CYRIB: variants seen among roughly 807,000 people sequenced by gnomAD.
The protein encoded by CYRIB is CYFIP-related Rac1 interactor B.
Under a neutral mutation model 44.2 loss-of-function variants are expected in CYRIB, and 8 were observed. That is an observed-to-expected ratio of 0.18 (90% CI 0.11 to 0.33). The LOEUF is 0.33. CYRIB is among the 10% of genes least tolerant of loss of function. The pLI, the probability that CYRIB is intolerant of heterozygous loss-of-function variation, is 1.00. For missense variants in CYRIB, 185 were observed against 382.8 expected (o/e 0.48, Z 4.31); for synonymous variants, 131 against 127.2 (o/e 1.03, Z -0.20).
At chr8:129,843,847 A>G (rs2038060792) in intron 11 of CYRIB, 2 of 152,260 alleles carry the variant, frequency 1.3e-5, no homozygotes, top group Admixed American at 1.3e-4. Flanking sequence ...AATGTTACTG[A>G]GAAGTCACTC....
intron 1 of CYRIB, among the ~76,000 whole-genome samples, chr8:129,992,351 A>C (rs1395797243): frequency 6.6e-6 from 1 of 152,234 alleles, no homozygotes; most frequent in African/African-American, 2.4e-5. Flanking sequence ...ATACAATCTG[A>C]AAATGAATTG....
At chr8:129,853,082 G>A (rs768228297) in intron 7 of CYRIB, among the ~76,000 whole-genome samples, 1 of 152,126 alleles carries the variant, frequency 6.6e-6, no homozygotes, top group Non-Finnish European at 1.5e-5. Context: ...TGGAACAGTG[G>A]GAGGAGGAGA....
chr8:129,967,529 G>A (rs1485602628), intron 2 of CYRIB, among the ~76,000 whole-genome samples: 2 of 152,028 alleles, frequency 1.3e-5, no homozygotes, highest in Admixed American at 1.3e-4. Flanking sequence ...ACAGGCGCCT[G>A]CCACCATGCC....
chr8:129,881,477 G>A (rs1367413290), intron 2 of CYRIB, among the ~76,000 whole-genome samples: 2 of 152,114 alleles, frequency 1.3e-5, no homozygotes, highest in Non-Finnish European at 2.9e-5. Flanking sequence ...AGCACTTCCC[G>A]TCACCTGTGG....
chr8:130,011,293 G>A (rs1227878018), intron 1 of CYRIB, among the ~76,000 whole-genome samples: 1 of 152,096 alleles, frequency 6.6e-6, no homozygotes, highest in Non-Finnish European at 1.5e-5. Flanking sequence ...GGCTGAGGTG[G>A]GTAGATCACC....
chr8:129,967,525 G>A (rs962832174), intron 2 of CYRIB, among the ~76,000 whole-genome samples: 1 of 151,762 alleles, frequency 6.6e-6, no homozygotes, highest in Non-Finnish European at 1.5e-5. Context: ...GACTACAGGC[G>A]CCTGCCACCA....
chr8:130,007,974 C>T (rs773939845), intron 1 of CYRIB, among the ~76,000 whole-genome samples: 15 of 152,234 alleles, frequency 9.9e-5, no homozygotes, highest in Middle Eastern at 3.4e-3. Flanking sequence ...TTTAGGAGGC[C>T]GAGGCGGCCA....
At chr8:129,852,219 A>G (rs1587191181) in exon 8 of CYRIB, 1 of 1,570,430 alleles carries the variant, frequency 6.4e-7, no homozygotes, top group Non-Finnish European at 8.6e-7. Flanking sequence ...GAGTTGCCTC[A>G]GCATAAAACA....
At chr8:129,916,429 AAT>A (rs1202702800) in intron 1 of CYRIB, among the ~76,000 whole-genome samples, 1 of 152,084 alleles carries the variant, frequency 6.6e-6, no homozygotes. Context: ...AAAAACTTCT[AAT>A]AGCTCCCAAT....
chr8:129,930,944 T>A (rs1488690885), intron 1 of CYRIB, among the ~76,000 whole-genome samples: 1 of 152,092 alleles, frequency 6.6e-6, no homozygotes, highest in Non-Finnish European at 1.5e-5. Context: ...TCCATACTTT[T>A]GAAAAAAACT....
At chr8:130,006,916 A>G (rs977083653) in intron 1 of CYRIB, among the ~76,000 whole-genome samples, 47 of 151,712 alleles carry the variant, frequency 3.1e-4, no homozygotes, top group African/African-American at 1.1e-3. Context: ...TTCAAATTCA[A>G]TCCCCCAGAG....
At chr8:130,000,184 TGAG>T (rs1175687262) in intron 1 of CYRIB, among the ~76,000 whole-genome samples, 1 of 151,992 alleles carries the variant, frequency 6.6e-6, no homozygotes, top group Non-Finnish European at 1.5e-5. Flanking sequence ...TCCCAGGTGC[TGAG>T]GAGAAGAGAG....
chr8:129,848,779 C>T (rs2041765392), intron 10 of CYRIB, among the ~76,000 whole-genome samples: 1 of 151,426 alleles, frequency 6.6e-6, no homozygotes, highest in South Asian at 2.1e-4. Context: ...ACTATGCTGC[C>T]CAGGCTGGTC....
intron 1 of CYRIB, among the ~76,000 whole-genome samples, chr8:129,924,856 T>C (rs2086522942): frequency 6.6e-6 from 1 of 152,166 alleles, no homozygotes; most frequent in African/African-American, 2.4e-5. Flanking sequence ...TGCATACCTA[T>C]AGTCCCAGTT....
chr8:129,927,612 G>T (rs766007670), intron 1 of CYRIB, among the ~76,000 whole-genome samples: 6 of 152,164 alleles, frequency 3.9e-5, no homozygotes, highest in South Asian at 4.1e-4. Context: ...ATATATATAT[G>T]CATAAAGATG....
chr8:129,969,181 T>C (rs183590858), intron 2 of CYRIB, among the ~76,000 whole-genome samples: 50 of 152,130 alleles, frequency 3.3e-4, no homozygotes, highest in African/African-American at 1.0e-3. Context: ...ACCCGGCTGA[T>C]TTTTGTATTT....
intron 1 of CYRIB, among the ~76,000 whole-genome samples, chr8:130,010,185 C>A (rs1229334167): frequency 6.6e-6 from 1 of 152,218 alleles, no homozygotes; most frequent in Non-Finnish European, 1.5e-5. Context: ...CCACATTGGG[C>A]CTTCTTTTTC....
intron 1 of CYRIB, among the ~76,000 whole-genome samples, chr8:129,923,755 G>A (rs115423179): frequency 0.015 from 2,217 of 151,376 alleles, 52 homozygotes; most frequent in African/African-American, 0.05. Flanking sequence ...CCCTACCTCC[G>A]TTTAGTATTT....
chr8:129,913,120 G>A (rs970852417), intron 1 of CYRIB, among the ~76,000 whole-genome samples: 6 of 151,462 alleles, frequency 4.0e-5, no homozygotes, highest in African/African-American at 1.5e-4. Flanking sequence ...TACAGGCGCC[G>A]GCCACCACGC....
Sources: gnomAD v4.1 joint callset for allele counts (sites outside exome capture counted in the v4.1 genomes callset) on GRCh38, gnomAD v4.1.1 for gene constraint, MANE v1.5 for transcripts, NCBI Gene and HGNC (gene_info 2026-07-23, HGNC 2026-07-21) for gene names.